The following PLCE1 variants were observed in gnomAD, a reference collection of about 807,000 sequenced individuals.
PLCE1 encodes phospholipase C epsilon 1.
In PLCE1, 119 loss-of-function variants were observed where a neutral mutation model predicts 242.8. The observed-to-expected ratio is 0.49, with a 90% CI of 0.42 to 0.57. PLCE1 has a LOEUF of 0.57. Ranked by LOEUF, PLCE1 falls within the 20% of genes least tolerant of loss-of-function variation. PLCE1 has a pLI of 0.00. For synonymous variants in PLCE1, 945 were observed against 1,017.4 expected, an observed-to-expected ratio of 0.93 and a Z score of 1.35; for missense variants, 2,441 against 2,788.8, an observed-to-expected ratio of 0.88 and a Z score of 2.81.
intron 4 of PLCE1, among the ~76,000 whole-genome samples, chr10:94,200,835 C>T (rs2048966834): frequency 6.6e-6 from 1 of 152,118 alleles, no homozygotes; most frequent in Admixed American, 6.5e-5. Context: ...GGTCTTCCTC[C>T]CACAAAACCT....
chr10:94,249,808 A>G (rs2050810683), intron 8 of PLCE1, among the ~76,000 whole-genome samples: 2 of 152,156 alleles, frequency 1.3e-5, no homozygotes, highest in South Asian at 4.1e-4. Flanking sequence ...CAAGGTTATC[A>G]TGGACAGAAC....
At chr10:94,297,107 A>G (rs534926749) in intron 23 of PLCE1, among the ~76,000 whole-genome samples, 3 of 152,248 alleles carry the variant, frequency 2.0e-5, no homozygotes, top group African/African-American at 7.2e-5. Context: ...ACCTCTGGTG[A>G]TCCACCCGCC....
chr10:94,210,860 C>T (rs999134511), intron 4 of PLCE1, among the ~76,000 whole-genome samples: 1 of 152,214 alleles, frequency 6.6e-6, no homozygotes, highest in African/African-American at 2.4e-5. Flanking sequence ...ATTATTTCTC[C>T]TGTTTTCCTT....
At position 94,254,885 on chromosome 10, in the gene PLCE1, C is replaced by T; in HGVS notation, c.3398-8C>T. On this transcript the variant is annotated splice_polypyrimidine_tract_variant and splice_region_variant and intron_variant, in intron 10 of 32. Coordinates refer to ENST00000371380, the MANE Select transcript of PLCE1 (RefSeq NM_016341.4). ...TCATTCTCTCTTTTCTGTCTTTCAT[C>T]CTCACAGAGGTGAATGCCATCGCTA... The T allele has an allele frequency of 6.2e-7, 1 of 1,613,802 alleles. No individual in the cohort carries two copies.
At chr10:94,236,486 T>G (rs2050328939) in intron 7 of PLCE1, among the ~76,000 whole-genome samples, 1 of 152,102 alleles carries the variant, frequency 6.6e-6, no homozygotes, top group Non-Finnish European at 1.5e-5. Flanking sequence ...TTTTAATTCT[T>G]GGGTGGGGTA....
chr10:94,061,116 T>C (rs1369968517), intron 2 of PLCE1, among the ~76,000 whole-genome samples: 2 of 152,220 alleles, frequency 1.3e-5, no homozygotes, highest in African/African-American at 4.8e-5. Context: ...GCAAGGGCAC[T>C]GGATGCTCTG....
intron 2 of PLCE1, among the ~76,000 whole-genome samples, chr10:94,064,613 C>T (rs757494119): frequency 1.3e-5 from 2 of 152,168 alleles, no homozygotes; most frequent in Non-Finnish European, 2.9e-5. Context: ...GCCTCGTCAC[C>T]TTGCTGCTAG....
At position 94,332,303 on chromosome 10, in the gene PLCE1, T is replaced by C. The variant is rs2054168950; in HGVS notation, c.*4360T>C. The C allele has an allele frequency of 6.6e-6, 1 of 152,148 alleles. No homozygotes were observed. Among genetic ancestry groups the C allele is most frequent in the South Asian group, 2.1e-4 (1 of 4,830 alleles). The allele number at this position is 152,148 out of a possible 1,614,324, so 9.4% of individuals were successfully genotyped here. A position where few individuals can be genotyped will look rare whatever the true frequency, so the allele number is the denominator to read the frequency against. ...TGACACAAGTAATTCTAACACTGAA[T>C]TGGGTACTGTCGCATTTTTCAAAAG... On this transcript the variant is annotated 3_prime_UTR_variant, in exon 33 of 33. Coordinates refer to ENST00000371380, the MANE Select transcript of PLCE1 (RefSeq NM_016341.4).
chr10:94,315,254 A>G, intron 28 of PLCE1: 2 of 369,656 alleles, frequency 5.4e-6, no homozygotes, highest in South Asian at 2.1e-5. Flanking sequence ...CCCTCAGTCC[A>G]TCACATTCTG....
intron 2 of PLCE1, among the ~76,000 whole-genome samples, chr10:94,115,000 A>G (rs1192533730): frequency 1.3e-5 from 2 of 150,754 alleles, no homozygotes; most frequent in Non-Finnish European, 1.5e-5. Context: ...TCCCACCTAT[A>G]AGTGAGAACA....
intron 2 of PLCE1, among the ~76,000 whole-genome samples, chr10:94,068,736 C>T (rs914218500): frequency 1.1e-4 from 16 of 152,156 alleles, no homozygotes; most frequent in East Asian, 3.8e-4. Context: ...GAAACTGAGG[C>T]GCAGAGTGGT....
At chr10:94,247,625 G>A (rs897186769) in intron 8 of PLCE1, among the ~76,000 whole-genome samples, 2 of 152,172 alleles carry the variant, frequency 1.3e-5, no homozygotes. Flanking sequence ...CTTTAAGGTT[G>A]AAAGAAATTT....
chr10:94,230,565 T>C (rs566516206), intron 5 of PLCE1, among the ~76,000 whole-genome samples: 5 of 152,080 alleles, frequency 3.3e-5, no homozygotes, highest in African/African-American at 1.2e-4. Context: ...CCTCAAGTGA[T>C]CCACACGCCT....
chr10:94,219,709 T>C (rs1465952870), intron 4 of PLCE1, among the ~76,000 whole-genome samples: 1 of 152,110 alleles, frequency 6.6e-6, no homozygotes, highest in Non-Finnish European at 1.5e-5. Context: ...AGCCTAAGAA[T>C]AGACAAAGAA....
Position 94,202,004 on chromosome 10 carries a change from C to T in PLCE1, c.1810-25302C>T, listed in dbSNP as rs561702115. ...AAAATATGAGGCACAAATCAGAGGCCACTCTTTCTGCCAAGTTAAAGACAA... is the reference window on the plus strand; with the variant it reads ...AAAATATGAGGCACAAATCAGAGGCTACTCTTTCTGCCAAGTTAAAGACAA... On this transcript the variant is annotated intron_variant, in intron 4 of 32. Coordinates refer to ENST00000371380, the MANE Select transcript of PLCE1 (RefSeq NM_016341.4). Among the ~76,000 whole-genome samples, 12 of 152,172 alleles carry T rather than the reference C, an allele frequency of 7.9e-5. No homozygotes were observed. In the South Asian group the frequency reaches 2.5e-3, roughly 32 times the overall value.
intron 2 of PLCE1, among the ~76,000 whole-genome samples, chr10:94,085,209 A>T (rs2044771345): frequency 6.6e-6 from 1 of 152,172 alleles, no homozygotes; most frequent in African/African-American, 2.4e-5. Flanking sequence ...TTGGGGGGAC[A>T]TTAGACCCTG....
intron 4 of PLCE1, among the ~76,000 whole-genome samples, chr10:94,204,502 A>G (rs1367329495): frequency 6.6e-6 from 1 of 151,812 alleles, no homozygotes; most frequent in Non-Finnish European, 1.5e-5. Flanking sequence ...CTGCGTCTTT[A>G]CTAAAAATAC....
chr10:94,228,540 A>T (rs1343711052), intron 5 of PLCE1, among the ~76,000 whole-genome samples: 1 of 152,156 alleles, frequency 6.6e-6, no homozygotes, highest in African/African-American at 2.4e-5. Flanking sequence ...TGATATTGTT[A>T]TTGCTTCCTG....
At chr10:94,217,232 A>T (rs1355488300) in intron 4 of PLCE1, among the ~76,000 whole-genome samples, 1 of 151,940 alleles carries the variant, frequency 6.6e-6, no homozygotes, top group Non-Finnish European at 1.5e-5. Flanking sequence ...AAAGGATAGG[A>T]TAAGCAGCGT....
Sources: allele counts gnomAD v4.1 joint callset (sites outside exome capture counted in the v4.1 genomes callset), GRCh38; gene constraint gnomAD v4.1.1; transcripts MANE v1.5; gene names NCBI Gene and HGNC (gene_info 2026-07-23, HGNC 2026-07-21).